PALS1: variants seen among roughly 807,000 people sequenced by gnomAD.
PALS1 encodes the protein protein associated with LIN7 1, MAGUK p55 family member, also known as protein PALS1.
PALS1 carries 31 observed loss-of-function variants against 78.9 expected under a neutral mutation model. The observed-to-expected ratio is 0.39, with a 90% CI of 0.30 to 0.53. The LOEUF (loss-of-function observed/expected upper bound fraction) is 0.53. Ranked by LOEUF, PALS1 falls within the 20% of genes least tolerant of loss-of-function variation. The probability of loss-of-function intolerance (pLI) is 0.67; values close to 1 mark genes in which losing one functional copy is unlikely to be tolerated. For missense variants in PALS1, 704 were observed against 826.5 expected (o/e 0.85, Z 1.82); for synonymous variants, 276 against 270.9 (o/e 1.02, Z -0.18).
At chr14:67,326,940 C>T (rs755078685) in intron 14 of PALS1, among the ~76,000 whole-genome samples, 6 of 152,092 alleles carry the variant, frequency 3.9e-5, no homozygotes, top group Non-Finnish European at 5.9e-5. Context: ...TTTGGGAGGC[C>T]GAGGCGGGCA....
chr14:67,295,912 T>A (rs2084840768), intron 4 of PALS1, among the ~76,000 whole-genome samples: 1 of 152,172 alleles, frequency 6.6e-6, no homozygotes, highest in Non-Finnish European at 1.5e-5. Flanking sequence ...AAAACAGATG[T>A]TCATAGCAAC....
chr14:67,327,170 C>CA (rs924289129), intron 14 of PALS1, among the ~76,000 whole-genome samples: 8 of 149,960 alleles, frequency 5.3e-5, no homozygotes, highest in African/African-American at 7.3e-5. Context: ...GTAAGACTCT[C>CA]AAAAAAAAAG....
intron 1 of PALS1, among the ~76,000 whole-genome samples, chr14:67,262,763 GTCTT>G (rs774956678): frequency 1.1e-4 from 16 of 152,236 alleles, no homozygotes; most frequent in Non-Finnish European, 1.8e-4. Context: ...AGTCAACTCT[GTCTT>G]TATCTTCTAT....
At chr14:67,283,889 C>T (rs2084638882) in intron 3 of PALS1, among the ~76,000 whole-genome samples, 1 of 152,134 alleles carries the variant, frequency 6.6e-6, no homozygotes, top group Admixed American at 6.5e-5. Context: ...TTTCTGCCTG[C>T]GAAGATTTGC....
Position 67,332,970 on chromosome 14 carries a change from T to C in PALS1, c.*14T>C. On this transcript the variant is annotated 3_prime_UTR_variant, in exon 15 of 15. Coordinates refer to ENST00000261681, the MANE Select transcript of PALS1 (RefSeq NM_022474.4). ...TGGCTGAGGTGAAAGAAACATCCAT[T>C]CTGTGGCATGTTGGACTTGATCTGG... 1 of 1,593,624 alleles carries C rather than the reference T, an allele frequency of 6.3e-7. No individual in the cohort carries two copies. Among genetic ancestry groups the C allele is most frequent in the Non-Finnish European group, 8.6e-7 (1 of 1,165,080 alleles).
At position 67,320,235 on chromosome 14, in the gene PALS1, G is replaced by A; in HGVS notation, c.1375G>A (p.Asp459Asn). 6.2e-7 allele frequency: 1 copy of A among 1,604,568 alleles called. No individual in the cohort carries two copies. Residue 459 changes from aspartate (D) to asparagine (N), a missense_variant, in exon 12 of 15, where the codon GAC (aspartate) becomes AAC (asparagine). Asp to Asn is a conservative substitution (Grantham distance 23, BLOSUM62 1). Transcript: ENST00000261681. ...TTAACTTTTTTTTCCCAAAGATTAT[G>A]ACAACGAGGAGATCTTAACCTATGA... ...LYNANKNDDYDNEEILTYEEM... is the reference protein window; with the variant it reads ...LYNANKNDDYNNEEILTYEEM...
At chr14:67,326,208 C>G (rs2085354919) in intron 14 of PALS1, among the ~76,000 whole-genome samples, 1 of 66,040 alleles carries the variant, frequency 1.5e-5, no homozygotes, top group Non-Finnish European at 3.0e-5. Flanking sequence ...CCTAAAATTT[C>G]AATTTAGGTC....
At position 67,302,125 on chromosome 14, in the gene PALS1, G is replaced by A; in HGVS notation, c.801+7G>A. ...GGCTCGTGATATTCCGTTGGTAAGT[G>A]TCCCACATACTGTTTTTAAACAAGT... On this transcript the variant is annotated splice_region_variant and intron_variant, in intron 6 of 14. Coordinates refer to ENST00000261681, the MANE Select transcript of PALS1 (RefSeq NM_022474.4). The A allele has an allele frequency of 3.1e-6, 5 of 1,595,338 alleles. No homozygotes were observed. The highest frequency in any genetic ancestry group is 4.3e-6 in the Non-Finnish European group (5 of 1,172,326).
At position 67,260,422 on chromosome 14, in the gene PALS1, A is replaced by G. The variant is rs149488573; in HGVS notation, c.-236-9279A>G. On this transcript the variant is annotated intron_variant, in intron 1 of 14. Coordinates refer to ENST00000261681, the MANE Select transcript of PALS1 (RefSeq NM_022474.4). ...AAAAAATATTTGTATATAGCACAAT[A>G]TATTTTATATGTTACGAACTCATCA... Among the ~76,000 whole-genome samples, 836 of 152,334 alleles carry G rather than the reference A, an allele frequency of 5.5e-3. 7 individuals are homozygous for G. Among genetic ancestry groups the G allele is most frequent in the Admixed American group, 9.6e-3 (147 of 15,302 alleles).
chr14:67,245,955 G>T (rs1406452883), intron 1 of PALS1, among the ~76,000 whole-genome samples: 1 of 151,798 alleles, frequency 6.6e-6, no homozygotes, highest in Non-Finnish European at 1.5e-5. Context: ...AGAAGTACAA[G>T]TTGTTTCACT....
At chr14:67,251,139 G>C (rs1260026285) in intron 1 of PALS1, among the ~76,000 whole-genome samples, 2 of 152,138 alleles carry the variant, frequency 1.3e-5, no homozygotes, top group African/African-American at 4.8e-5. Context: ...TTTCTGCTTT[G>C]TCTGTAATAT....
intron 9 of PALS1, among the ~76,000 whole-genome samples, chr14:67,314,208 A>G (rs574915478): frequency 6.6e-6 from 1 of 152,274 alleles, no homozygotes; most frequent in South Asian, 2.1e-4. Context: ...AGGGCATGAA[A>G]AAAAAGACTG....
chr14:67,280,251 T>TTTATTGAC, intron 3 of PALS1, among the ~76,000 whole-genome samples: 1 of 152,226 alleles, frequency 6.6e-6, no homozygotes, highest in African/African-American at 2.4e-5. Flanking sequence ...TTAGAATATT[T>TTTATTGAC]AATCATTGAA....
chr14:67,302,752 A>T (rs575690708), intron 7 of PALS1, among the ~76,000 whole-genome samples, 181 bp downstream of exon 7: 7 of 152,006 alleles, frequency 4.6e-5, no homozygotes, highest in Admixed American at 3.9e-4. Context: ...TACCACTGAT[A>T]TTTTTTTACT....
At chr14:67,254,501 A>C (rs993794403) in intron 1 of PALS1, among the ~76,000 whole-genome samples, 3 of 152,012 alleles carry the variant, frequency 2.0e-5, no homozygotes, top group Non-Finnish European at 4.4e-5. Context: ...AGTTAATTGT[A>C]CTCTAAACCT....
chr14:67,246,185 A>G (rs142005405), intron 1 of PALS1, among the ~76,000 whole-genome samples: 1,611 of 152,106 alleles, frequency 0.011, 30 homozygotes, highest in African/African-American at 0.035. Flanking sequence ...CTCTCTGTCC[A>G]GGCTGGAGTG....
chr14:67,257,607 A>G (rs1455346163), intron 1 of PALS1, among the ~76,000 whole-genome samples: 1 of 152,158 alleles, frequency 6.6e-6, no homozygotes, highest in East Asian at 1.9e-4. Context: ...CTAAAAAAAA[A>G]AGAAATGGCA....
chr14:67,275,587 T>G (rs1490689454), intron 2 of PALS1, among the ~76,000 whole-genome samples: 2 of 152,174 alleles, frequency 1.3e-5, no homozygotes, highest in Non-Finnish European at 2.9e-5. Flanking sequence ...TTCTCTTTTT[T>G]TTGTTGTGTC....
At chr14:67,254,025 T>TCCC (rs150024838) in intron 1 of PALS1, among the ~76,000 whole-genome samples, 13 of 122,998 alleles carry the variant, frequency 1.1e-4, no homozygotes, top group East Asian at 8.1e-4. Context: ...CTTATATTCA[T>TCCC]CCCCCCCCCC....
Sources: allele counts gnomAD v4.1 joint callset (sites outside exome capture counted in the v4.1 genomes callset), GRCh38; gene constraint gnomAD v4.1.1; transcripts MANE v1.5; gene names NCBI Gene and HGNC (gene_info 2026-07-23, HGNC 2026-07-21).